Variants in CERS6 observed in about 807,000 individuals in gnomAD.
CERS6 encodes the protein LAG1 homolog, ceramide synthase 6.
CERS6 carries 26 observed loss-of-function variants against 56.8 expected under a neutral mutation model. That is an observed-to-expected ratio of 0.46 (90% CI 0.34 to 0.63). The LOEUF is 0.63. CERS6 is among the 30% of genes least tolerant of loss of function. The pLI is 0.01. For missense variants in CERS6, 415 were observed against 467.5 expected (o/e 0.89, Z 1.04); for synonymous variants, 164 against 173.3 (o/e 0.95, Z 0.42).
intron 1 of CERS6, among the ~76,000 whole-genome samples, chr2:168,528,700 A>G (rs890767530): frequency 6.6e-6 from 1 of 152,214 alleles, no homozygotes; most frequent in Non-Finnish European, 1.5e-5. Flanking sequence ...CATGTCAAAT[A>G]TGAGGGAAAC....
intron 6 of CERS6, among the ~76,000 whole-genome samples, chr2:168,708,459 T>C (rs1395057614): frequency 6.6e-6 from 1 of 152,008 alleles, no homozygotes; most frequent in African/African-American, 2.4e-5. Flanking sequence ...GTACTGTTTT[T>C]TGTTTGTTTG....
chr2:168,642,137 T>G lies in CERS6; in HGVS notation c.465+11095T>G, dbSNP rs556468835. On this transcript the variant is annotated intron_variant, in intron 4 of 9. Transcript: ENST00000305747. ...CCATAATCCCAGGTCTTTGGGAGAC[T>G]GAGGCAGGCATATCACTTGAGCCCA... 2.6e-5 allele frequency among the ~76,000 whole-genome samples: 4 copies of G among 152,228 alleles called. No homozygotes were observed. In the East Asian group the frequency reaches 5.8e-4, roughly 22 times the overall value.
intron 1 of CERS6, among the ~76,000 whole-genome samples, chr2:168,503,870 T>A (rs1574028458): frequency 6.6e-6 from 1 of 152,300 alleles, no homozygotes; most frequent in East Asian, 1.9e-4. Flanking sequence ...AAAGACAAGT[T>A]GGGGACCCAA....
At chr2:168,640,598 A>G (rs1403837147) in intron 4 of CERS6, among the ~76,000 whole-genome samples, 1 of 152,230 alleles carries the variant, frequency 6.6e-6, no homozygotes, top group Non-Finnish European at 1.5e-5. Context: ...AATTCAATTT[A>G]GCAGACATTT....
intron 3 of CERS6, among the ~76,000 whole-genome samples, chr2:168,624,905 T>C (rs1020939387): frequency 1.3e-5 from 2 of 152,144 alleles, no homozygotes; most frequent in Non-Finnish European, 2.9e-5. Context: ...GTAAAGTGAT[T>C]TATGTATTTT....
chr2:168,569,733 A>G (rs1194338235), intron 3 of CERS6, among the ~76,000 whole-genome samples: 1 of 152,182 alleles, frequency 6.6e-6, no homozygotes, highest in Non-Finnish European at 1.5e-5. Context: ...TGGTGAAGGC[A>G]GTGGGCTGTG....
chr2:168,640,213 A>C (rs1684955608), intron 4 of CERS6, among the ~76,000 whole-genome samples: 1 of 152,226 alleles, frequency 6.6e-6, no homozygotes, highest in Admixed American at 6.5e-5. Flanking sequence ...CTAGACATAC[A>C]TCAAATTTCT....
intron 3 of CERS6, among the ~76,000 whole-genome samples, chr2:168,562,342 A>C (rs1252113394): frequency 6.6e-6 from 1 of 152,168 alleles, no homozygotes; most frequent in Non-Finnish European, 1.5e-5. Flanking sequence ...AAGTATAGAG[A>C]AACAACAGTG....
At chr2:168,539,960 T>A (rs1395686855) in intron 1 of CERS6, among the ~76,000 whole-genome samples, 2 of 152,258 alleles carry the variant, frequency 1.3e-5, no homozygotes, top group Non-Finnish European at 2.9e-5. Context: ...TTTACCAATA[T>A]ATTTGTCATT....
At chr2:168,478,722 C>T (rs1694123646) in intron 1 of CERS6, among the ~76,000 whole-genome samples, 1 of 152,194 alleles carries the variant, frequency 6.6e-6, no homozygotes, top group African/African-American at 2.4e-5. Context: ...TAGGCTTCAG[C>T]TATCTCCACT....
At chr2:168,558,696 C>T (rs796927729) in intron 2 of CERS6, among the ~76,000 whole-genome samples, 51 of 152,116 alleles carry the variant, frequency 3.4e-4, no homozygotes, top group Admixed American at 4.6e-4. Context: ...AGTGAAACCC[C>T]GTCTCTACTA....
At chr2:168,463,500 G>A (rs1693813219) in intron 1 of CERS6, among the ~76,000 whole-genome samples, 1 of 152,136 alleles carries the variant, frequency 6.6e-6, no homozygotes, top group Non-Finnish European at 1.5e-5. Flanking sequence ...GCATTTCTGA[G>A]CCCAAAAGGA....
At chr2:168,465,359 A>G (rs897450283) in intron 1 of CERS6, among the ~76,000 whole-genome samples, 3 of 152,120 alleles carry the variant, frequency 2.0e-5, no homozygotes, top group Admixed American at 6.5e-5. Flanking sequence ...TTCTCACATC[A>G]CGGAAGGGGC....
At chr2:168,483,151 G>C (rs1694207326) in intron 1 of CERS6, among the ~76,000 whole-genome samples, 1 of 152,188 alleles carries the variant, frequency 6.6e-6, no homozygotes, top group Admixed American at 6.5e-5. Context: ...ACTATTCTTA[G>C]AGCCTTACAT....
At chr2:168,696,856 C>A (rs1053478245) in intron 6 of CERS6, among the ~76,000 whole-genome samples, 1 of 152,196 alleles carries the variant, frequency 6.6e-6, no homozygotes, top group South Asian at 2.1e-4. Flanking sequence ...TAGTCCCCAG[C>A]AAGCAAGATA....
intron 3 of CERS6, among the ~76,000 whole-genome samples, chr2:168,573,136 A>G (rs1696021114): frequency 1.3e-5 from 2 of 152,174 alleles, no homozygotes; most frequent in South Asian, 4.1e-4. Context: ...TTCACAGATC[A>G]CCACAAAAGA....
At chr2:168,606,392 A>C (rs1684053800) in intron 3 of CERS6, 1 of 152,170 alleles carries the variant, frequency 6.6e-6, no homozygotes, top group South Asian at 2.1e-4. Flanking sequence ...TGTTGGTTTT[A>C]AGTATGGAAT....
At chr2:168,477,173 CAGAGAGAGAGAGAGAGAG>C (rs10609883) in intron 1 of CERS6, among the ~76,000 whole-genome samples, 96 of 115,528 alleles carry the variant, frequency 8.3e-4, no homozygotes, top group East Asian at 4.6e-3. Context: ...GAGGGAGAGA[CAGAGAGAGAGAGAGAGAG>C]AGAGAGAGAG....
chr2:168,562,311 T>C (rs1366685907), intron 3 of CERS6, among the ~76,000 whole-genome samples: 2 of 152,068 alleles, frequency 1.3e-5, no homozygotes, highest in African/African-American at 4.8e-5. Flanking sequence ...GATGAGAGAC[T>C]GAGAAAAGAA....
Sources: gnomAD v4.1 joint callset for allele counts (sites outside exome capture counted in the v4.1 genomes callset) on GRCh38, gnomAD v4.1.1 for gene constraint, MANE v1.5 for transcripts, NCBI Gene and HGNC (gene_info 2026-07-23, HGNC 2026-07-21) for gene names.